The following RAB3C variants were observed in gnomAD, a reference collection of about 807,000 sequenced individuals.
RAB3C encodes RAB3C, member RAS oncogene family.
In RAB3C, 17 loss-of-function variants were observed where a neutral mutation model predicts 26.4. The observed-to-expected ratio is 0.64, with a 90% CI of 0.44 to 0.97. The LOEUF is 0.97. Among genes scored for constraint, RAB3C ranks in the 50% least tolerant of loss-of-function variants. The probability of loss-of-function intolerance (pLI) is 0.00; values close to 1 mark genes in which losing one functional copy is unlikely to be tolerated. For missense variants in RAB3C, 242 were observed against 281.9 expected, an observed-to-expected ratio of 0.86 and a Z score of 1.01; for synonymous variants, 91 against 95.9, an observed-to-expected ratio of 0.95 and a Z score of 0.30.
At chr5:58,835,840 A>G (rs868011783) in intron 4 of RAB3C, among the ~76,000 whole-genome samples, 1 of 152,224 alleles carries the variant, frequency 6.6e-6, no homozygotes, top group African/African-American at 2.4e-5. Flanking sequence ...TTAATCTGCT[A>G]AGTGTTGAGA....
chr5:58,778,160 G>T (rs1411845363), intron 3 of RAB3C, among the ~76,000 whole-genome samples: 1 of 151,976 alleles, frequency 6.6e-6, no homozygotes, highest in Non-Finnish European at 1.5e-5. Flanking sequence ...TGTCCTATAG[G>T]AGTTTTTAGC....
At chr5:58,799,611 T>C (rs1311272114) in intron 3 of RAB3C, among the ~76,000 whole-genome samples, 1 of 152,130 alleles carries the variant, frequency 6.6e-6, no homozygotes, top group Non-Finnish European at 1.5e-5. Context: ...AAACAAGGAA[T>C]TGGGTTTGGT....
chr5:58,781,999 T>C (rs560692495), intron 3 of RAB3C, among the ~76,000 whole-genome samples: 17 of 152,342 alleles, frequency 1.1e-4, no homozygotes, highest in African/African-American at 4.1e-4. Context: ...ATTTTTGTAA[T>C]ACTTTTCACT....
chr5:58,601,419 G>C (rs537754054), intron 1 of RAB3C, among the ~76,000 whole-genome samples: 32 of 152,166 alleles, frequency 2.1e-4, no homozygotes, highest in Middle Eastern at 6.8e-3. Flanking sequence ...AAAAGGATTG[G>C]TACCAATTCT....
At chr5:58,798,210 A>T (rs900137964) in intron 3 of RAB3C, among the ~76,000 whole-genome samples, 2 of 152,186 alleles carry the variant, frequency 1.3e-5, no homozygotes, top group African/African-American at 4.8e-5. Flanking sequence ...TCATCAATGG[A>T]TGCTAAAACA....
chr5:58,809,100 G>T (rs1743011856), intron 3 of RAB3C, among the ~76,000 whole-genome samples: 1 of 152,196 alleles, frequency 6.6e-6, no homozygotes, highest in South Asian at 2.1e-4. Context: ...GACATACCCA[G>T]AGAATGCTAA....
At chr5:58,595,373 G>C (rs940926139) in intron 1 of RAB3C, among the ~76,000 whole-genome samples, 1 of 152,148 alleles carries the variant, frequency 6.6e-6, no homozygotes, top group Non-Finnish European at 1.5e-5. Flanking sequence ...TCAACATCAT[G>C]ATGGTGAGAT....
chr5:58,689,260 A>C (rs1561290006), intron 2 of RAB3C: 2 of 152,088 alleles, frequency 1.3e-5, no homozygotes, highest in Admixed American at 6.6e-5. Flanking sequence ...CTTAATTTAG[A>C]TTTGGTATGG....
intron 2 of RAB3C, among the ~76,000 whole-genome samples, chr5:58,656,136 T>C (rs540229905): frequency 1.3e-5 from 2 of 152,146 alleles, no homozygotes; most frequent in Non-Finnish European, 2.9e-5. Context: ...CAAAGAGACT[T>C]AGAAAGGCTA....
At chr5:58,678,186 A>G (rs545818260) in intron 2 of RAB3C, among the ~76,000 whole-genome samples, 1 of 152,172 alleles carries the variant, frequency 6.6e-6, no homozygotes, top group Non-Finnish European at 1.5e-5. Context: ...CTTCTTTATG[A>G]TGCTAAATTC....
chr5:58,820,545 T>C (rs1743314180), intron 3 of RAB3C, among the ~76,000 whole-genome samples: 2 of 152,326 alleles, frequency 1.3e-5, no homozygotes, highest in Admixed American at 6.5e-5. Flanking sequence ...CCAACTCTAA[T>C]GGCAAATCAG....
chr5:58,790,200 T>C (rs945012604), intron 3 of RAB3C, among the ~76,000 whole-genome samples: 1 of 152,230 alleles, frequency 6.6e-6, no homozygotes, highest in African/African-American at 2.4e-5. Flanking sequence ...TCTTCCTATA[T>C]GATATTTTTT....
At chr5:58,737,703 A>T (rs1327745714) in intron 3 of RAB3C, among the ~76,000 whole-genome samples, 1 of 150,064 alleles carries the variant, frequency 6.7e-6, no homozygotes, top group Non-Finnish European at 1.5e-5. Flanking sequence ...TATCAATTAT[A>T]TGTTTTCTAC....
rs531698752 is a variant in RAB3C, at chr5:58,663,777, CA to C, written c.252+45913del. 2.8e-3 allele frequency among the ~76,000 whole-genome samples: 428 copies of C among 152,156 alleles called. 1 individual carries two copies. The highest frequency in any genetic ancestry group is 9.5e-3 in the African/African-American group (396 of 41,536). On this transcript the variant is annotated intron_variant, in intron 2 of 4. Transcript: ENST00000282878. The stretch of plus-strand genomic sequence containing the variant: ...ACAAAAATTAAAAAATGAAAACAAA[CA>C]AAAAACGGCAAAAAGCTGAAAATGA...
intron 1 of RAB3C, among the ~76,000 whole-genome samples, chr5:58,612,508 GTGTGTGTGTGTGTATATATATA>G (rs1472393977): frequency 1.7e-4 from 10 of 60,362 alleles, no homozygotes; most frequent in Admixed American, 1.2e-3. Context: ...GTGTGTGTGT[GTGTGTGTGTGTGTATATATATA>G]TATATATATA....
At position 58,851,145 on chromosome 5, in the gene RAB3C, T is replaced by C. The variant is rs1401627897; in HGVS notation, c.497-19T>C. On this transcript the variant is annotated intron_variant, in intron 4 of 4. Transcript: ENST00000282878. The stretch of plus-strand genomic sequence containing the variant: ...GAAATGCAAAATAACCAAGATGTGT[T>C]TCTGTGTGTTTCTTCCAGGGTTTGA... 7 of 1,579,838 alleles carry C rather than the reference T, an allele frequency of 4.4e-6. No homozygotes were observed. The African/African-American group carries it at 9.5e-5, about 22-fold the overall frequency.
intron 2 of RAB3C, among the ~76,000 whole-genome samples, chr5:58,666,264 T>C (rs1747999553): frequency 6.6e-6 from 1 of 152,196 alleles, no homozygotes; most frequent in African/African-American, 2.4e-5. Context: ...TGTTCATGTT[T>C]CCCCAAGTCA....
intron 3 of RAB3C, among the ~76,000 whole-genome samples, chr5:58,732,710 A>G (rs1254852934): frequency 1.3e-5 from 2 of 152,152 alleles, no homozygotes; most frequent in Non-Finnish European, 2.9e-5. Context: ...TGCCTTTGAT[A>G]GGAGCTGGAT....
intron 4 of RAB3C, among the ~76,000 whole-genome samples, chr5:58,847,487 T>A (rs1217175751): frequency 1.3e-5 from 2 of 152,190 alleles, no homozygotes; most frequent in Non-Finnish European, 2.9e-5. Flanking sequence ...TACTGAGAAC[T>A]GATCTCAAAA....
Sources: allele counts gnomAD v4.1 joint callset (sites outside exome capture counted in the v4.1 genomes callset), GRCh38; gene constraint gnomAD v4.1.1; transcripts MANE v1.5; gene names NCBI Gene and HGNC (gene_info 2026-07-23, HGNC 2026-07-21).